ST14: variants seen among roughly 807,000 people sequenced by gnomAD.
The protein encoded by ST14 is suppressor of tumorigenicity 14 protein.
ST14 carries 40 observed loss-of-function variants against 96.5 expected under a neutral mutation model. The ratio of observed to expected loss-of-function variants is 0.41; its 90% CI spans 0.32 to 0.54. The LOEUF (loss-of-function observed/expected upper bound fraction) is 0.54, where lower values mean the gene tolerates loss of function less well. Ranked by LOEUF, ST14 falls within the 20% of genes least tolerant of loss-of-function variation. The pLI is 0.17. For synonymous variants in ST14, 506 were observed against 492.1 expected, an observed-to-expected ratio of 1.03 and a Z score of -0.37; for missense variants, 1,066 against 1,188.9, an observed-to-expected ratio of 0.90 and a Z score of 1.52.
In ST14 at chr11:130,160,014, G is replaced by A. The variant is rs1450207913; in HGVS notation, c.35G>A (p.Gly12Asp). ...GSDRARKGGG[G>D]PKDFGAGLKY... is the part of the protein sequence containing the mutation. ...GATCGGGCCCGCAAGGGCGGAGGGG[G>A]CCCGAAGGACTTCGGCGCGGGACTC... Residue 12 changes from glycine to aspartate, a missense_variant, in exon 1 of 19, where the codon GGC (glycine) becomes GAC (aspartate). Transcript: ENST00000278742. 2 of 1,428,810 alleles carry A rather than the reference G, an allele frequency of 1.4e-6. No homozygotes were observed. Among genetic ancestry groups the A allele is most frequent in the Non-Finnish European group, 9.2e-7 (1 of 1,082,816 alleles). 88.5% of individuals were successfully genotyped at this position (1,428,810 alleles called of 1,614,324 possible).
chr11:130,208,427 A>C lies in ST14; in HGVS notation c.2012A>C (p.Gln671Pro), dbSNP rs781691050. The C allele has an allele frequency of 1.2e-6, 2 of 1,613,994 alleles. No homozygotes were observed. Among genetic ancestry groups the C allele is most frequent in the East Asian group, 4.5e-5 (2 of 44,900 alleles). ...DRGFRYSDPT[Q>P]WTAFLGLHDQ... ...CCTACCAGGTACTCAGACCCCACGC[A>C]GTGGACGGCCTTCCTGGGCTTGCAC... The change falls in exon 17 of 19, where the codon CAG becomes CCG. Residue 671 changes from glutamine to proline, a missense_variant. Coordinates refer to ENST00000278742, the MANE Select transcript of ST14 (RefSeq NM_021978.4).
intron 1 of ST14, among the ~76,000 whole-genome samples, chr11:130,172,237 G>A (rs571810871): frequency 1.9e-4 from 28 of 150,752 alleles, no homozygotes; most frequent in Admixed American, 4.6e-4. Context: ...ACCTCAGCCC[G>A]CTGAGTAGCT....
At chr11:130,206,251 C>G (rs1953486284) in intron 16 of ST14, among the ~76,000 whole-genome samples, 2 of 152,200 alleles carry the variant, frequency 1.3e-5, no homozygotes, top group South Asian at 4.1e-4. Context: ...CTGTACCCTA[C>G]TCGGGGAGAG....
In ST14 at chr11:130,181,848, T is replaced by C. The variant is rs1393722822; in HGVS notation, c.82-6266T>C. Among the ~76,000 whole-genome samples, 1 of 152,214 alleles carries C rather than the reference T, an allele frequency of 6.6e-6. No homozygotes were observed. Among genetic ancestry groups the C allele is most frequent in the Non-Finnish European group, 1.5e-5 (1 of 68,040 alleles). ...AAAAGGAAGCAGCCCAGTTACTGAT[T>C]AGACAGCACTTTTAGGCTGGGTGGA... On this transcript the variant is annotated intron_variant, in intron 1 of 18. Transcript: ENST00000278742. The surrounding 1 kb of genome is among the most constrained non-coding windows in gnomAD (Gnocchi z 4.1).
rs754507906 is a variant in ST14 at position 130,209,431 on chromosome 11, C to T, written c.2270-11C>T. On this transcript the variant is annotated splice_polypyrimidine_tract_variant and intron_variant, in intron 17 of 18. Coordinates refer to ENST00000278742, the MANE Select transcript of ST14 (RefSeq NM_021978.4). ...AGCCCGGCTCTCAGCCCCGTCCTGC[C>T]CTCTCCCCAGGCACTGGCGCGCTGA... 1.3e-6 allele frequency: 2 copies of T among 1,575,952 alleles called. No homozygotes were observed. Among genetic ancestry groups the T allele is most frequent in the Non-Finnish European group, 1.7e-6 (2 of 1,160,928 alleles).
At chr11:130,165,035 C>T (rs1439464043) in intron 1 of ST14, among the ~76,000 whole-genome samples, 1 of 152,194 alleles carries the variant, frequency 6.6e-6, no homozygotes, top group African/African-American at 2.4e-5. Flanking sequence ...CCACGCCCGG[C>T]CCAGCCTTAT....
chr11:130,195,632 A>T (rs546429666), intron 9 of ST14, among the ~76,000 whole-genome samples: 1 of 152,238 alleles, frequency 6.6e-6, no homozygotes, highest in East Asian at 1.9e-4. Context: ...AGGCAGGTGG[A>T]TCACGAGGTC....
chr11:130,204,497 G>A (rs77633749), intron 16 of ST14, among the ~76,000 whole-genome samples: 1 of 152,310 alleles, frequency 6.6e-6, no homozygotes, highest in Admixed American at 6.5e-5. Flanking sequence ...GTGCGATTCC[G>A]TGGGGAGGTG....
intron 7 of ST14, among the ~76,000 whole-genome samples, chr11:130,193,021 G>C (rs1030312326): frequency 6.6e-6 from 1 of 152,050 alleles, no homozygotes; most frequent in Non-Finnish European, 1.5e-5. Context: ...TCTGAGATAG[G>C]GGTAATAGTA....
At chr11:130,208,347 GC>G in intron 16 of ST14, 62 bp from the exon 17 acceptor site, 1 of 1,610,520 alleles carries the variant, frequency 6.2e-7, no homozygotes, top group Non-Finnish European at 8.5e-7. Flanking sequence ...AACGCGCGGG[GC>G]CGCGAGGCCG....
intron 16 of ST14, among the ~76,000 whole-genome samples, chr11:130,204,704 T>TA (rs150614635): frequency 0.059 from 8,979 of 152,074 alleles, 338 homozygotes; most frequent in Middle Eastern, 0.095. Context: ...CCCAGCTACT[T>TA]GGGGGCGGCT....
intron 11 of ST14, 54 bp downstream of exon 11, chr11:130,196,754 G>A (rs1172646542): frequency 3.1e-6 from 5 of 1,613,278 alleles, no homozygotes; most frequent in Non-Finnish European, 4.2e-6. Flanking sequence ...CGCATGTTCT[G>A]TCTACCCTGC....
Position 130,188,622 on chromosome 11 carries a change from G to A in ST14, c.334G>A (p.Glu112Lys), listed in dbSNP as rs749130417. ...TGCCTACGAGAACTCCAACTCCACT[G>A]AGTTTGTAAGCCTGGCCAGCAAGGT... ...VDAYENSNST[E>K]FVSLASKVKD... The change falls in exon 3 of 19, where the codon GAG (glutamate) becomes AAG (lysine). Residue 112 changes from glutamate (E) to lysine (K), a missense_variant. Physicochemically the swap from Glu to Lys is moderately conservative, Grantham distance 56. Coordinates refer to ENST00000278742, the MANE Select transcript of ST14 (RefSeq NM_021978.4). This position sits in a 1 kb window ranked among gnomAD's most constrained non-coding sequence, Gnocchi z 5.4. The A allele has an allele frequency of 6.2e-7, 1 of 1,614,224 alleles. No homozygotes were observed. The highest frequency in any genetic ancestry group is 8.5e-7 in the Non-Finnish European group (1 of 1,180,034).
intron 18 of ST14, 27 bp from the exon 19 acceptor site, chr11:130,209,635 C>T: frequency 6.3e-7 from 1 of 1,582,882 alleles, no homozygotes. Context: ...GGACTGGGGA[C>T]TCACGGCAGG....
Position 130,207,800 on chromosome 11 carries a change from T to C in ST14, c.1995-610T>C, listed in dbSNP as rs566112438. Among the ~76,000 whole-genome samples, 200 of 152,314 alleles carry C rather than the reference T, an allele frequency of 1.3e-3. 2 individuals are homozygous for C. Among genetic ancestry groups the C allele is most frequent in the Non-Finnish European group, 1.5e-3 (101 of 68,022 alleles). ...ATTAAAAATTTATTTGGGCTGGGCG[T>C]GGTGGCTCACGCCTGTAATCCCAGC... On this transcript the variant is annotated intron_variant, in intron 16 of 18. Coordinates refer to ENST00000278742, the MANE Select transcript of ST14 (RefSeq NM_021978.4).
At position 130,196,409 on chromosome 11, in the gene ST14, G is replaced by T. The variant is rs1448044752; in HGVS notation, c.1184G>T (p.Gly395Val). 1 of 1,610,310 alleles carries T rather than the reference G, an allele frequency of 6.2e-7. No homozygotes were observed. The highest frequency in any genetic ancestry group is 2.2e-5 in the East Asian group (1 of 44,748). The change falls in exon 10 of 19, where the codon GGC becomes GTC. Residue 395 changes from glycine (G) to valine (V), a missense_variant. Physicochemically the swap from Gly to Val is moderately radical, Grantham distance 109. Coordinates refer to ENST00000278742, the MANE Select transcript of ST14 (RefSeq NM_021978.4). ...CTGCTGGAGCCCGGCGTGCCTGCGGGCACCTGCCCCAAGGACTACGTGGAG... is the reference window on the plus strand; with the variant it reads ...CTGCTGGAGCCCGGCGTGCCTGCGGTCACCTGCCCCAAGGACTACGTGGAG... ...FYLLEPGVPAGTCPKDYVEIN... is the reference protein window; with the variant it reads ...FYLLEPGVPAVTCPKDYVEIN...
At chr11:130,169,283 C>T (rs1381834601) in intron 1 of ST14, among the ~76,000 whole-genome samples, 1 of 152,038 alleles carries the variant, frequency 6.6e-6, no homozygotes, top group Non-Finnish European at 1.5e-5. Context: ...TTAGTAGAGA[C>T]AGGGTTTCGC....
chr11:130,176,581 G>A (rs1953140613), intron 1 of ST14, among the ~76,000 whole-genome samples: 1 of 151,588 alleles, frequency 6.6e-6, no homozygotes, highest in South Asian at 2.1e-4. Context: ...GTAGAGATGG[G>A]GTTTCACCCT....
At chr11:130,194,344 C>T in intron 8 of ST14, 56 bp downstream of exon 8, 1 of 1,608,834 alleles carries the variant, frequency 6.2e-7, no homozygotes, top group Admixed American at 1.7e-5. Context: ...AAGGGGAAGG[C>T]CTTAGTGGGG....
Sources: gnomAD v4.1 joint callset for allele counts (sites outside exome capture counted in the v4.1 genomes callset) on GRCh38, gnomAD v4.1.1 for gene constraint, Gnocchi (gnomAD v3.1) non-coding constraint, MANE v1.5 for transcripts, NCBI Gene and HGNC (gene_info 2026-07-23, HGNC 2026-07-21) for gene names.